Variants in DNAH8 observed in about 807,000 individuals in gnomAD.
The protein encoded by DNAH8 is axonemal beta dynein heavy chain 8.
Under a neutral mutation model 562.1 loss-of-function variants are expected in DNAH8, and 382 were observed. That is an observed-to-expected ratio of 0.68 (90% CI 0.63 to 0.74). The LOEUF (loss-of-function observed/expected upper bound fraction) is 0.74, where lower values mean the gene tolerates loss of function less well. Ranked by LOEUF, DNAH8 falls within the 30% of genes least tolerant of loss-of-function variation. The pLI is 0.00. For missense variants in DNAH8, 5,203 were observed against 5,620.4 expected (o/e 0.93, Z 2.37); for synonymous variants, 1,881 against 1,919.4 (o/e 0.98, Z 0.52).
chr6:38,751,831 T>G (rs1034379108), intron 9 of DNAH8, among the ~76,000 whole-genome samples: 3 of 152,176 alleles, frequency 2.0e-5, no homozygotes, highest in Non-Finnish European at 2.9e-5. Context: ...ATTTCCCCAT[T>G]TTTCCTGGAT....
chr6:38,972,835 A>C (rs543630595), intron 83 of DNAH8, among the ~76,000 whole-genome samples: 1 of 152,202 alleles, frequency 6.6e-6, no homozygotes, highest in Non-Finnish European at 1.5e-5. Flanking sequence ...GACACAAACT[A>C]ATCCTGAATG....
At chr6:38,941,147 C>T (rs1451342776) in intron 79 of DNAH8, among the ~76,000 whole-genome samples, 1 of 151,648 alleles carries the variant, frequency 6.6e-6, no homozygotes, top group Non-Finnish European at 1.5e-5. Context: ...TCTAGACAGT[C>T]CAAGAGAAGA....
At position 38,923,265 on chromosome 6, in the gene DNAH8, T is replaced by C. The variant is rs1000522820; in HGVS notation, c.10790+80T>C. The stretch of plus-strand genomic sequence containing the variant: ...TAAAGTCCATTTCCATGTGTTCATC[T>C]CTGAATCCCATCATCTATGACAGTG... On this transcript the variant is annotated intron_variant, in intron 72 of 92. Transcript: ENST00000327475. The C allele has an allele frequency of 4.6e-6, 7 of 1,537,888 alleles. No homozygotes were observed. In the African/African-American group the frequency reaches 9.6e-5, roughly 21 times the overall value.
chr6:39,029,348 C>T (rs1299215955), intron 92 of DNAH8, among the ~76,000 whole-genome samples: 1 of 152,324 alleles, frequency 6.6e-6, no homozygotes, highest in African/African-American at 2.4e-5. Flanking sequence ...TCTACAGAGG[C>T]TCCTGAGCAC....
rs950465458 is a variant in DNAH8 at position 38,875,542 on chromosome 6, A to G, written c.7621-49A>G. 2.6e-6 allele frequency: 3 copies of G among 1,137,150 alleles called. No homozygotes were observed. In the African/African-American group the frequency reaches 4.7e-5, roughly 18 times the overall value. The allele number at this position is 1,137,150 out of a possible 1,614,324, so 70.4% of individuals were successfully genotyped here. A position where few individuals can be genotyped will look rare whatever the true frequency, so the allele number is the denominator to read the frequency against. ...ATTTTACTATTATTTACAATTTTTT[A>G]TTTTCAAAATTTTAATTTAAAAATT... is the stretch of plus-strand genomic sequence containing the variant. On this transcript the variant is annotated intron_variant, in intron 52 of 92. Transcript: ENST00000327475.
chr6:38,743,025 T>G, intron 8 of DNAH8, among the ~76,000 whole-genome samples: 1 of 146,558 alleles, frequency 6.8e-6, no homozygotes, highest in Admixed American at 6.8e-5. Context: ...TTTTTTTTTT[T>G]TTTTTTTTTA....
chr6:38,929,790 A>G, intron 75 of DNAH8, 124 bp downstream of exon 75: 2 of 881,498 alleles, frequency 2.3e-6, no homozygotes, highest in East Asian at 5.8e-5. Flanking sequence ...TATTGAGCAT[A>G]GCAGCAAATG....
chr6:38,915,286 T>A lies in DNAH8; in HGVS notation c.10049T>A (p.Ile3350Asn). Reference protein sequence around the residue: ...VQEVKDKAQKIVDEIDSEKVK... With the variant: ...VQEVKDKAQKNVDEIDSEKVK... The stretch of plus-strand genomic sequence containing the variant: ...GAGGTAAAGGACAAAGCCCAAAAAA[T>A]TGTGGATGAAATTGATAGTGAAAAA... The change falls in exon 68 of 93, where the codon ATT becomes AAT. Residue 3350 changes from isoleucine (I) to asparagine (N), a missense_variant. Physicochemically the swap from Ile to Asn is moderately radical, Grantham distance 149. Transcript: ENST00000327475. 1.2e-6 allele frequency: 2 copies of A among 1,610,732 alleles called. No homozygotes were observed. Among genetic ancestry groups the A allele is most frequent in the Non-Finnish European group, 1.7e-6 (2 of 1,178,760 alleles).
intron 10 of DNAH8, 108 bp downstream of exon 10, chr6:38,756,187 T>C: frequency 1.4e-6 from 1 of 719,676 alleles, no homozygotes; most frequent in Non-Finnish European, 2.5e-6. Flanking sequence ...CTCTCAGAGT[T>C]TTAATACTTC....
chr6:38,826,377 T>G lies in DNAH8; in HGVS notation c.4069T>G (p.Leu1357Val). 39 of 1,591,128 alleles carry G rather than the reference T, an allele frequency of 2.5e-5. No individual in the cohort carries two copies. Among genetic ancestry groups the G allele is most frequent in the Non-Finnish European group, 3.3e-5 (39 of 1,171,570 alleles). ...TAATGAAATTCAAATGGACATGACTTTGGGACCAATTGAAGTAAGAAATGA... is the reference window on the plus strand; with the variant it reads ...TAATGAAATTCAAATGGACATGACTGTGGGACCAATTGAAGTAAGAAATGA... ...RDNEIQMDMT[L>V]GPIEEAYAIL... is the part of the protein sequence containing the mutation. The change falls in exon 29 of 93, where the codon TTG (leucine) becomes GTG (valine). Residue 1357 changes from leucine (L) to valine (V), a missense_variant. By Grantham distance (32) the Leu-to-Val change is conservative (BLOSUM62 1). This residue lies in a region of DNAH8 where 2,176 missense variants were observed against 2,365.1 expected (regional missense o/e 0.92). Coordinates refer to ENST00000327475, the MANE Select transcript of DNAH8 (RefSeq NM_001206927.2).
At chr6:38,723,308 A>G in intron 2 of DNAH8, 29 bp from the exon 3 acceptor site, 1 of 1,582,766 alleles carries the variant, frequency 6.3e-7, no homozygotes, top group Non-Finnish European at 8.6e-7. Flanking sequence ...TCAGAATTGC[A>G]ATTTTTGAAC....
rs1251384568 is a variant in DNAH8 at position 38,920,901 on chromosome 6, A to AT, written c.10525-461dup. On this transcript the variant is annotated intron_variant, in intron 70 of 92. Transcript: ENST00000327475. ...TTATTGAACATTAATAATTAAAAAA[A>AT]TTTTTTTGAGACAGGGTCTCACTCT... Among the ~76,000 whole-genome samples, 6 of 152,034 alleles carry AT rather than the reference A, an allele frequency of 3.9e-5. No individual in the cohort carries two copies. The East Asian group carries it at 9.7e-4, about 25-fold the overall frequency.
At chr6:39,029,212 CT>C (rs1767503593) in intron 92 of DNAH8, among the ~76,000 whole-genome samples, 1 of 152,154 alleles carries the variant, frequency 6.6e-6, no homozygotes, top group Non-Finnish European at 1.5e-5. Flanking sequence ...AATACTGGGG[CT>C]TTTCCGGCTC....
intron 88 of DNAH8, among the ~76,000 whole-genome samples, chr6:39,000,404 T>C (rs1345497295): frequency 6.6e-6 from 1 of 152,146 alleles, no homozygotes; most frequent in Non-Finnish European, 1.5e-5. Context: ...CACAAGCCAA[T>C]ACCAGTCCGT....
At chr6:38,946,283 T>G (rs777523886) in intron 80 of DNAH8, among the ~76,000 whole-genome samples, 1 of 152,208 alleles carries the variant, frequency 6.6e-6, no homozygotes, top group African/African-American at 2.4e-5. Context: ...AGACTGCAGG[T>G]TGTCAGAGCC....
At position 38,984,522 on chromosome 6, in the gene DNAH8, G is replaced by A. The variant is rs1036270518; in HGVS notation, c.13053+215G>A. On this transcript the variant is annotated intron_variant, in intron 87 of 92. Coordinates refer to ENST00000327475, the MANE Select transcript of DNAH8 (RefSeq NM_001206927.2). ...ACAACCAGCAATTGGGCCAGGCATG[G>A]TGGCTCACGCCTGTAATCCCAGCAC... is the stretch of plus-strand genomic sequence containing the variant. 1.3e-5 allele frequency: 7 copies of A among 540,262 alleles called. No homozygotes were observed. In the Admixed American group the frequency reaches 2.0e-4, roughly 15 times the overall value. The allele number at this position is 540,262 out of a possible 1,614,324, so 33.5% of individuals were successfully genotyped here. A position where few individuals can be genotyped will look rare whatever the true frequency, so the allele number is the denominator to read the frequency against.
At chr6:38,804,614 C>T (rs1259245771) in intron 22 of DNAH8, among the ~76,000 whole-genome samples, 1 of 152,030 alleles carries the variant, frequency 6.6e-6, no homozygotes, top group African/African-American at 2.4e-5. Context: ...TCGAAGGAGA[C>T]CTGAGAGATG....
intron 53 of DNAH8, among the ~76,000 whole-genome samples, chr6:38,881,996 A>T (rs990378824): frequency 7.2e-5 from 11 of 152,056 alleles, no homozygotes; most frequent in African/African-American, 2.7e-4. Flanking sequence ...TTTTAATTCC[A>T]TTTCAGGCAA....
In DNAH8 at chr6:38,923,039, T is replaced by G; in HGVS notation, c.10663-19T>G. ...CACTTAGAAAAGTTTTTTGAGACAT[T>G]CTCCCATTATGGCTGCAGGATTTGC... On this transcript the variant is annotated intron_variant, in intron 71 of 92. Coordinates refer to ENST00000327475, the MANE Select transcript of DNAH8 (RefSeq NM_001206927.2). 1.2e-6 allele frequency: 2 copies of G among 1,601,982 alleles called. No individual in the cohort carries two copies. Among genetic ancestry groups the G allele is most frequent in the South Asian group, 2.3e-5 (2 of 88,590 alleles).
Sources: allele counts gnomAD v4.1 joint callset (sites outside exome capture counted in the v4.1 genomes callset), GRCh38; gene constraint gnomAD v4.1.1; regional missense constraint gnomAD v4.1.1; transcripts MANE v1.5; gene names NCBI Gene and HGNC (gene_info 2026-07-23, HGNC 2026-07-21).